The following TNNI3K variants were observed in gnomAD, a reference collection of about 807,000 sequenced individuals.
TNNI3K encodes TNNI3 interacting kinase, also known as serine/threonine-protein kinase TNNI3K.
TNNI3K carries 140 observed loss-of-function variants against 114.5 expected under a neutral mutation model. The observed-to-expected ratio is 1.22, with a 90% CI of 1.07 to 1.41. The LOEUF (loss-of-function observed/expected upper bound fraction) is 1.41. TNNI3K is among the 40% of genes most tolerant of loss of function. TNNI3K has a pLI of 0.00. For synonymous variants in TNNI3K, 347 were observed against 347.5 expected, an observed-to-expected ratio of 1.00 and a Z score of 0.02; for missense variants, 1,125 against 1,007.6, an observed-to-expected ratio of 1.12 and a Z score of -1.58.
At chr1:74,370,459 T>C (rs779349425) in intron 17 of TNNI3K, 67 bp downstream of exon 17, 2 of 1,417,270 alleles carry the variant, frequency 1.4e-6, no homozygotes, top group African/African-American at 2.9e-5. Context: ...CAGATTTCAG[T>C]GAAGATACAT....
At chr1:74,411,572 G>A (rs1664882466) in intron 17 of TNNI3K, among the ~76,000 whole-genome samples, 1 of 151,704 alleles carries the variant, frequency 6.6e-6, no homozygotes, top group Non-Finnish European at 1.5e-5. Flanking sequence ...CCTGACTGCT[G>A]CCTGAAATTC....
intron 9 of TNNI3K, among the ~76,000 whole-genome samples, chr1:74,344,345 C>T (rs1660892387): frequency 6.6e-6 from 1 of 152,152 alleles, no homozygotes; most frequent in Non-Finnish European, 1.5e-5. Flanking sequence ...GAAGAGAAAA[C>T]TGAGGCTCAG....
At chr1:74,421,893 T>C (rs1665412646) in intron 17 of TNNI3K, among the ~76,000 whole-genome samples, 1 of 151,776 alleles carries the variant, frequency 6.6e-6, no homozygotes, top group Non-Finnish European at 1.5e-5. Context: ...TTGGTTAAAA[T>C]TTGAAAAACC....
chr1:74,255,080 T>A (rs1655189211), intron 4 of TNNI3K, among the ~76,000 whole-genome samples: 1 of 152,304 alleles, frequency 6.6e-6, no homozygotes, highest in Admixed American at 6.5e-5. Flanking sequence ...TCTTTAACTG[T>A]AAACATCTAG....
intron 5 of TNNI3K, among the ~76,000 whole-genome samples, chr1:74,283,092 A>G (rs1029361313): frequency 6.6e-6 from 1 of 152,178 alleles, no homozygotes; most frequent in Non-Finnish European, 1.5e-5. Context: ...CCAAAACTTG[A>G]TATACCTTCA....
Position 74,346,807 on chromosome 1 carries a change from G to C in TNNI3K, c.932+3628G>C, listed in dbSNP as rs566530562. 3.4e-4 allele frequency among the ~76,000 whole-genome samples: 52 copies of C among 151,582 alleles called. 1 individual carries two copies. In the South Asian group the frequency reaches 0.01, roughly 31 times the overall value. On this transcript the variant is annotated intron_variant, in intron 9 of 24. Transcript: ENST00000326637. ...CAAGATCAAGGTGTCAACAGGTTTGGCTTCTCCTGCAGCCTCTTCCCTTGG... is the reference window on the plus strand; with the variant it reads ...CAAGATCAAGGTGTCAACAGGTTTGCCTTCTCCTGCAGCCTCTTCCCTTGG...
At chr1:74,241,450 T>C (rs939354712) in intron 2 of TNNI3K, among the ~76,000 whole-genome samples, 3 of 152,226 alleles carry the variant, frequency 2.0e-5, no homozygotes, top group African/African-American at 7.2e-5. Context: ...TGTTGTTTCC[T>C]GACTTTTTAA....
chr1:74,540,676 G>T (rs568506163), intron 24 of TNNI3K, among the ~76,000 whole-genome samples: 8 of 151,562 alleles, frequency 5.3e-5, no homozygotes, highest in Admixed American at 5.3e-4. Context: ...TAAGTCCGTT[G>T]CTTCTAAGCC....
intron 21 of TNNI3K, chr1:74,471,508 T>G: frequency 5.0e-6 from 2 of 400,700 alleles, no homozygotes; most frequent in Non-Finnish European, 8.8e-6. Flanking sequence ...GAGGTCAGAC[T>G]GAGGGGTTCT....
chr1:74,352,411 G>A (rs1322314466), intron 9 of TNNI3K, among the ~76,000 whole-genome samples: 1 of 151,868 alleles, frequency 6.6e-6, no homozygotes, highest in Non-Finnish European at 1.5e-5. Flanking sequence ...GCTACTCGGG[G>A]GTCAGGGACC....
intron 17 of TNNI3K, among the ~76,000 whole-genome samples, chr1:74,431,638 A>G (rs775843808): frequency 6.6e-6 from 1 of 152,134 alleles, no homozygotes; most frequent in Non-Finnish European, 1.5e-5. Context: ...AAAGAGATAC[A>G]TTACAGTAAA....
intron 9 of TNNI3K, among the ~76,000 whole-genome samples, chr1:74,349,007 G>T (rs1661180767): frequency 6.6e-6 from 1 of 152,000 alleles, no homozygotes; most frequent in Non-Finnish European, 1.5e-5. Context: ...CTGCCTGATT[G>T]CCCTGGCCAG....
intron 9 of TNNI3K, among the ~76,000 whole-genome samples, chr1:74,352,278 C>T (rs1269018777): frequency 6.6e-6 from 1 of 151,092 alleles, no homozygotes; most frequent in East Asian, 2.0e-4. Context: ...GGCTGCAGAA[C>T]AGTGGATATT....
At position 74,540,263 on chromosome 1, in the gene TNNI3K, C is replaced by T. The variant is rs763953053; in HGVS notation, c.2381C>T (p.Ser794Phe). 20 of 1,612,354 alleles carry T rather than the reference C, an allele frequency of 1.2e-5. No individual in the cohort carries two copies. In the African/African-American group the frequency reaches 1.5e-4, roughly 12 times the overall value. The change falls in exon 24 of 25, where the codon TCT becomes TTT. Residue 794 changes from serine to phenylalanine, a missense_variant. Physicochemically the swap from Ser to Phe is radical, Grantham distance 155. Coordinates refer to ENST00000326637, the MANE Select transcript of TNNI3K (RefSeq NM_015978.3). ...GGACAATATTCCTCTCAAGGTCTGT[C>T]TTTGGAGGAGATGAAAAGAAGTCTT... ...SAGQYSSQGL[S>F]LEEMKRSLQY...
intron 17 of TNNI3K, chr1:74,375,358 A>G (rs1324057650): frequency 4.7e-6 from 1 of 211,856 alleles, no homozygotes; most frequent in African/African-American, 2.3e-5. Flanking sequence ...TGAAACTAAG[A>G]CAATAATAGC....
At position 74,351,904 on chromosome 1, in the gene TNNI3K, T is replaced by A. The variant is rs567957609; in HGVS notation, c.933-1362T>A. On this transcript the variant is annotated intron_variant, in intron 9 of 24. Transcript: ENST00000326637. ...TTCAAAGTTTTTAACTTCTTTGTCATTGGTTTGAACTTCCTCCTTTAGCTG... is the reference window on the plus strand; with the variant it reads ...TTCAAAGTTTTTAACTTCTTTGTCAATGGTTTGAACTTCCTCCTTTAGCTG... Among the ~76,000 whole-genome samples the A allele has an allele frequency of 1.9e-4, 29 of 152,318 alleles. No homozygotes were observed. The South Asian group carries it at 2.3e-3, about 12-fold the overall frequency.
At chr1:74,389,924 G>A (rs1296195277) in intron 17 of TNNI3K, among the ~76,000 whole-genome samples, 2 of 152,094 alleles carry the variant, frequency 1.3e-5, no homozygotes, top group African/African-American at 4.8e-5. Context: ...GGTAATCATG[G>A]AGATAAGAGA....
chr1:74,465,932 G>A (rs1386804499), intron 21 of TNNI3K, among the ~76,000 whole-genome samples: 1 of 152,220 alleles, frequency 6.6e-6, no homozygotes, highest in Non-Finnish European at 1.5e-5. Flanking sequence ...GCCAGCAGCA[G>A]CAGTAAGCCA....
intron 5 of TNNI3K, among the ~76,000 whole-genome samples, chr1:74,329,911 G>A (rs1426596950): frequency 6.6e-6 from 1 of 151,994 alleles, no homozygotes; most frequent in Non-Finnish European, 1.5e-5. Context: ...AGAGGTGATA[G>A]GACATAAGTC....
Sources: gnomAD v4.1 joint callset for allele counts (sites outside exome capture counted in the v4.1 genomes callset) on GRCh38, gnomAD v4.1.1 for gene constraint, MANE v1.5 for transcripts, NCBI Gene and HGNC (gene_info 2026-07-23, HGNC 2026-07-21) for gene names.